The following SRGAP1 variants were observed in gnomAD, a reference collection of about 807,000 sequenced individuals.
The protein encoded by SRGAP1 is SLIT-ROBO Rho GTPase-activating protein 1.
A neutral mutation model predicts 121.9 loss-of-function variants in SRGAP1; 43 were observed. The observed-to-expected ratio is 0.35, with a 90% confidence interval of 0.28 to 0.46. The LOEUF (loss-of-function observed/expected upper bound fraction) is 0.46, where lower values mean the gene tolerates loss of function less well. SRGAP1 is among the 20% of genes least tolerant of loss of function. The pLI is 1.00. For synonymous variants in SRGAP1, 447 were observed against 485.4 expected (o/e 0.92, Z 1.04); for missense variants, 1,102 against 1,350.9 (o/e 0.82, Z 2.89).
intron 1 of SRGAP1, among the ~76,000 whole-genome samples, chr12:63,849,395 T>C (rs117932708): frequency 0.035 from 5,375 of 152,328 alleles, 145 homozygotes; most frequent in Middle Eastern, 0.085. Context: ...GTGGAACTTA[T>C]AGATGAGAGG....
In SRGAP1 at chr12:63,875,807, A is replaced by G. The variant is rs74901981; in HGVS notation, c.67+30924A>G. 4.7e-3 allele frequency among the ~76,000 whole-genome samples: 721 copies of G among 152,328 alleles called. 5 individuals are homozygous for G. Among genetic ancestry groups the G allele is most frequent in the African/African-American group, 0.016 (667 of 41,576 alleles). On this transcript the variant is annotated intron_variant, in intron 1 of 21. Coordinates refer to ENST00000355086, the MANE Select transcript of SRGAP1 (RefSeq NM_020762.4). ...TTTAGAGAGGTCTCTGCAATATACA[A>G]AGTTTCTTAGTTGCAGTCACTTGCC...
chr12:64,003,934 A>G (rs1168532854), intron 3 of SRGAP1, among the ~76,000 whole-genome samples: 1 of 152,186 alleles, frequency 6.6e-6, no homozygotes, highest in Non-Finnish European at 1.5e-5. Context: ...AAAGACAAAG[A>G]AAAAAATATT....
intron 1 of SRGAP1, among the ~76,000 whole-genome samples, chr12:63,917,902 T>A (rs1402050537): frequency 6.6e-6 from 1 of 152,204 alleles, no homozygotes; most frequent in African/African-American, 2.4e-5. Flanking sequence ...AATAAATGGC[T>A]GTTATTTTTG....
At chr12:63,926,919 T>G (rs2031282683) in intron 1 of SRGAP1, among the ~76,000 whole-genome samples, 1 of 152,130 alleles carries the variant, frequency 6.6e-6, no homozygotes, top group East Asian at 1.9e-4. Context: ...TAAATATGAG[T>G]TGTCGATAAT....
intron 4 of SRGAP1, among the ~76,000 whole-genome samples, chr12:64,041,103 A>G (rs1478630455): frequency 6.6e-6 from 1 of 152,160 alleles, no homozygotes; most frequent in Non-Finnish European, 1.5e-5. Context: ...TAAATTAGAT[A>G]TACATCAAAG....
At chr12:64,142,134 T>C (rs1172360982) in intron 21 of SRGAP1, among the ~76,000 whole-genome samples, 161 bp from the exon 22 acceptor site, 2 of 152,150 alleles carry the variant, frequency 1.3e-5, no homozygotes, top group Non-Finnish European at 2.9e-5. Context: ...AAAATGATGA[T>C]TGTGTGAGAT....
chr12:63,969,644 A>T (rs1463605890), intron 1 of SRGAP1, among the ~76,000 whole-genome samples: 1 of 151,946 alleles, frequency 6.6e-6, no homozygotes, highest in Non-Finnish European at 1.5e-5. Flanking sequence ...ATACAAAAAA[A>T]TTAGCCGGGC....
chr12:63,976,058 A>C (rs1002371269), intron 1 of SRGAP1, among the ~76,000 whole-genome samples: 16 of 152,184 alleles, frequency 1.1e-4, no homozygotes, highest in African/African-American at 3.6e-4. Context: ...TCCTTGTTTA[A>C]AATTGTTCAA....
intron 1 of SRGAP1, among the ~76,000 whole-genome samples, chr12:63,847,918 A>G (rs1898954359): frequency 6.6e-6 from 1 of 151,840 alleles, no homozygotes; most frequent in Non-Finnish European, 1.5e-5. Context: ...CCTAATAACA[A>G]CTTTATTTAT....
At chr12:64,088,280 C>T (rs957936643) in intron 11 of SRGAP1, among the ~76,000 whole-genome samples, 11 of 152,150 alleles carry the variant, frequency 7.2e-5, no homozygotes, top group Admixed American at 5.9e-4. Context: ...ACTATTACCT[C>T]GACCTGGTAA....
At chr12:63,943,612 G>A (rs2031940532) in intron 1 of SRGAP1, among the ~76,000 whole-genome samples, 1 of 152,012 alleles carries the variant, frequency 6.6e-6, no homozygotes, top group African/African-American at 2.4e-5. Flanking sequence ...ACTATTCTAT[G>A]TTTTTTTTCT....
chr12:64,082,573 C>G (rs1401531816), intron 10 of SRGAP1, among the ~76,000 whole-genome samples: 1 of 151,916 alleles, frequency 6.6e-6, no homozygotes, highest in Admixed American at 6.6e-5. Flanking sequence ...GCCTTGCCTG[C>G]TGAGTAGCTG....
At chr12:63,890,489 G>T (rs1248308099) in intron 1 of SRGAP1, among the ~76,000 whole-genome samples, 4 of 152,232 alleles carry the variant, frequency 2.6e-5, no homozygotes, top group Non-Finnish European at 5.9e-5. Context: ...GGGTTTTGTT[G>T]TGGGAAGCTA....
At chr12:63,851,705 C>T (rs1030362306) in intron 1 of SRGAP1, among the ~76,000 whole-genome samples, 2 of 151,178 alleles carry the variant, frequency 1.3e-5, no homozygotes, top group African/African-American at 4.9e-5. Context: ...GCTAGGATTA[C>T]AGGCATGCAC....
chr12:64,104,590 T>A (rs2036309750), intron 15 of SRGAP1, among the ~76,000 whole-genome samples: 1 of 152,238 alleles, frequency 6.6e-6, no homozygotes, highest in East Asian at 1.9e-4. Context: ...ATGAGTCATT[T>A]GTACCAGAGC....
chr12:64,040,283 A>G (rs1215365987), intron 4 of SRGAP1, among the ~76,000 whole-genome samples: 1 of 152,214 alleles, frequency 6.6e-6, no homozygotes, highest in Non-Finnish European at 1.5e-5. Flanking sequence ...TCATCTCTTG[A>G]AATGAGAAAA....
At chr12:64,024,912 G>A (rs1593054560) in intron 4 of SRGAP1, among the ~76,000 whole-genome samples, 1 of 152,132 alleles carries the variant, frequency 6.6e-6, no homozygotes, top group African/African-American at 2.4e-5. Flanking sequence ...TCTCCACCTG[G>A]TCCCGCTCTT....
At chr12:63,859,475 T>C (rs1899371778) in intron 1 of SRGAP1, among the ~76,000 whole-genome samples, 1 of 152,160 alleles carries the variant, frequency 6.6e-6, no homozygotes, top group Non-Finnish European at 1.5e-5. Context: ...CTAGTTTATC[T>C]GTTTCTGTTG....
At chr12:63,944,377 G>A (rs2031971695) in intron 1 of SRGAP1, among the ~76,000 whole-genome samples, 1 of 152,084 alleles carries the variant, frequency 6.6e-6, no homozygotes, top group Non-Finnish European at 1.5e-5. Context: ...GTCTACTAAG[G>A]GCCCACTTTC....
Sources: allele counts gnomAD v4.1 joint callset (sites outside exome capture counted in the v4.1 genomes callset), GRCh38; gene constraint gnomAD v4.1.1; transcripts MANE v1.5; gene names NCBI Gene and HGNC (gene_info 2026-07-23, HGNC 2026-07-21).